Variants in IGF2BP3 observed in about 807,000 individuals in gnomAD.
The protein encoded by IGF2BP3 is insulin-like growth factor 2 mRNA-binding protein 3.
Under a neutral mutation model 73.8 loss-of-function variants are expected in IGF2BP3, and 9 were observed. The ratio of observed to expected loss-of-function variants is 0.12; its 90% CI spans 0.07 to 0.21. IGF2BP3 has a LOEUF of 0.21. Ranked by LOEUF, IGF2BP3 falls within the 10% of genes least tolerant of loss-of-function variation. The pLI, the probability that IGF2BP3 is intolerant of heterozygous loss-of-function variation, is 1.00. For missense variants in IGF2BP3, 542 were observed against 714.0 expected (o/e 0.76, Z 2.75); for synonymous variants, 258 against 256.7 (o/e 1.01, Z -0.05).
At chr7:23,415,569 T>C in intron 3 of IGF2BP3, 1 of 266,174 alleles carries the variant, frequency 3.8e-6, no homozygotes, top group Non-Finnish European at 7.3e-6. Context: ...TCCCTGTCTG[T>C]CAGCCGGCGT....
At position 23,351,342 on chromosome 7, in the gene IGF2BP3, C is replaced by A; in HGVS notation, c.646G>T (p.Ala216Ser). The A allele has an allele frequency of 6.2e-7, 1 of 1,613,898 alleles. No homozygotes were observed. The change falls in exon 6 of 15, where the codon GCC becomes TCC. Residue 216 changes from alanine (A) to serine (S), a missense_variant. Transcript: ENST00000258729. Reference sequence around the variant, plus strand: ...TGTTTGGTGATGTTCCGAATGGTGGCACCTTCTTTTCCTATGATGGCTCCA... The same window carrying A: ...TGTTTGGTGATGTTCCGAATGGTGGAACCTTCTTTTCCTATGATGGCTCCA... ...FVGAIIGKEGATIRNITKQTQ... is the reference protein window; with the variant it reads ...FVGAIIGKEGSTIRNITKQTQ...
chr7:23,371,457 T>C (rs1785546020), intron 3 of IGF2BP3, among the ~76,000 whole-genome samples: 1 of 152,224 alleles, frequency 6.6e-6, no homozygotes, highest in South Asian at 2.1e-4. Context: ...ACAATCTGTA[T>C]TGCAGGTTCC....
chr7:23,396,469 G>C (rs893372709), intron 3 of IGF2BP3: 1 of 185,118 alleles, frequency 5.4e-6, no homozygotes, highest in Non-Finnish European at 1.2e-5. Flanking sequence ...ACCCAAAATA[G>C]CTGGAATTAC....
In IGF2BP3 at chr7:23,313,669, C is replaced by T; in HGVS notation, c.1396-16G>A. ...TTCCCTGAGCCTGCAGATGAAAACA[C>T]ATCCTATTAGTGTCATTCATGTATG... On this transcript the variant is annotated splice_polypyrimidine_tract_variant and intron_variant, in intron 12 of 14. Transcript: ENST00000258729. 6.2e-7 allele frequency: 1 copy of T among 1,611,832 alleles called. No individual in the cohort carries two copies. Among genetic ancestry groups the T allele is most frequent in the Non-Finnish European group, 8.5e-7 (1 of 1,179,478 alleles).
At chr7:23,428,730 G>GGA (rs1787590872) in intron 2 of IGF2BP3, among the ~76,000 whole-genome samples, 1 of 129,074 alleles carries the variant, frequency 7.7e-6, no homozygotes, top group Admixed American at 7.7e-5. Flanking sequence ...TTTTTAGGGG[G>GGA]AAAAAAAAAA....
intron 3 of IGF2BP3, among the ~76,000 whole-genome samples, chr7:23,390,491 T>A (rs575342666): frequency 6.6e-6 from 1 of 151,394 alleles, no homozygotes; most frequent in Non-Finnish European, 1.5e-5. Context: ...AAGCAAAGAG[T>A]GCCGCTAGAT....
chr7:23,445,718 T>C (rs538960365), intron 2 of IGF2BP3, among the ~76,000 whole-genome samples: 6 of 152,216 alleles, frequency 3.9e-5, no homozygotes, highest in Admixed American at 3.9e-4. Context: ...AAATGCATGA[T>C]CATGAGCTAA....
At chr7:23,369,530 T>C (rs947404178) in intron 3 of IGF2BP3, among the ~76,000 whole-genome samples, 5 of 152,154 alleles carry the variant, frequency 3.3e-5, no homozygotes, top group African/African-American at 9.7e-5. Flanking sequence ...TTGCTTTCCA[T>C]TGCACATGGA....
intron 2 of IGF2BP3, among the ~76,000 whole-genome samples, chr7:23,452,800 CAAA>C (rs34216508): frequency 2.6e-5 from 3 of 114,254 alleles, no homozygotes; most frequent in Non-Finnish European, 1.8e-5. Context: ...AGACTCATCT[CAAA>C]AAAAAAAAAA....
At chr7:23,419,063 A>C (rs775685338) in intron 2 of IGF2BP3, among the ~76,000 whole-genome samples, 22 of 152,208 alleles carry the variant, frequency 1.4e-4, no homozygotes, top group Non-Finnish European at 1.0e-4. Flanking sequence ...AAAGCCACTA[A>C]AATTGGCAGA....
At chr7:23,447,642 CA>C (rs1191866324) in intron 2 of IGF2BP3, among the ~76,000 whole-genome samples, 1 of 151,518 alleles carries the variant, frequency 6.6e-6, no homozygotes, top group Non-Finnish European at 1.5e-5. Context: ...ACAACAACAA[CA>C]AAAAAATGAA....
chr7:23,401,960 T>A (rs760082405), intron 3 of IGF2BP3, among the ~76,000 whole-genome samples: 6 of 151,498 alleles, frequency 4.0e-5, no homozygotes, highest in Non-Finnish European at 8.8e-5. Flanking sequence ...CTACTAAAAT[T>A]ACGAAAATTA....
chr7:23,403,860 C>G (rs1426252952), intron 3 of IGF2BP3, among the ~76,000 whole-genome samples: 1 of 151,830 alleles, frequency 6.6e-6, no homozygotes, highest in African/African-American at 2.4e-5. Context: ...CGGTGACTCA[C>G]GACTGTAATC....
At chr7:23,320,123 G>C (rs1784096253) in intron 10 of IGF2BP3, among the ~76,000 whole-genome samples, 1 of 151,624 alleles carries the variant, frequency 6.6e-6, no homozygotes, top group Admixed American at 6.6e-5. Context: ...TGTTGGCCAG[G>C]CTGGTCTTGA....
intron 2 of IGF2BP3, among the ~76,000 whole-genome samples, chr7:23,462,008 A>G (rs1378063410): frequency 6.6e-6 from 1 of 151,768 alleles, no homozygotes; most frequent in Non-Finnish European, 1.5e-5. Context: ...CTCTGCCAGG[A>G]AAAAAAAACT....
chr7:23,342,561 T>C (rs896163601), intron 9 of IGF2BP3, among the ~76,000 whole-genome samples: 73 of 152,140 alleles, frequency 4.8e-4, no homozygotes, highest in Non-Finnish European at 5.4e-4. Context: ...TCAAGTAAGA[T>C]TGGTTCATTG....
intron 3 of IGF2BP3, among the ~76,000 whole-genome samples, chr7:23,386,677 G>A (rs533466595): frequency 6.6e-6 from 1 of 152,320 alleles, no homozygotes; most frequent in South Asian, 2.1e-4. Context: ...GAGATAGAGC[G>A]TAATTCTCCA....
chr7:23,357,009 A>G (rs1458654825), intron 5 of IGF2BP3, among the ~76,000 whole-genome samples: 1 of 152,238 alleles, frequency 6.6e-6, no homozygotes, highest in African/African-American at 2.4e-5. Flanking sequence ...TGTAATTCTG[A>G]AAGTTATAAT....
chr7:23,327,660 T>A (rs1316734547), intron 10 of IGF2BP3, among the ~76,000 whole-genome samples: 1 of 152,132 alleles, frequency 6.6e-6, no homozygotes, highest in Admixed American at 6.6e-5. Context: ...TAGAAATCTT[T>A]AAAATTTTAA....
Sources: allele counts gnomAD v4.1 joint callset (sites outside exome capture counted in the v4.1 genomes callset), GRCh38; gene constraint gnomAD v4.1.1; transcripts MANE v1.5; gene names NCBI Gene and HGNC (gene_info 2026-07-23, HGNC 2026-07-21).